The following RPL39L variants were observed in gnomAD, a reference collection of about 807,000 sequenced individuals.
The protein encoded by RPL39L is ribosomal protein L39 like.
For synonymous variants in RPL39L, 16 were observed against 20.1 expected, an observed-to-expected ratio of 0.80 and a Z score of 0.55; for missense variants, 48 against 58.9, an observed-to-expected ratio of 0.81 and a Z score of 0.61.
chr3:187,122,388 A>ATT (rs3835037), intron 2 of RPL39L, among the ~76,000 whole-genome samples: 30,732 of 151,412 alleles, frequency 0.2, 3,457 homozygotes, highest in Non-Finnish European at 0.21. Flanking sequence ...TGACAAAGGC[A>ATT]TTTTTTTTTA....
At chr3:187,138,031 G>A (rs1720615569) in intron 1 of RPL39L, among the ~76,000 whole-genome samples, 1 of 152,172 alleles carries the variant, frequency 6.6e-6, no homozygotes, top group Admixed American at 6.5e-5. Context: ...CGTGGAGGGT[G>A]ACTATTGGAT....
At chr3:187,134,344 T>C (rs1720535863) in intron 1 of RPL39L, among the ~76,000 whole-genome samples, 1 of 152,046 alleles carries the variant, frequency 6.6e-6, no homozygotes. Context: ...TTGTCACCAC[T>C]GGAGGAGTGC....
At chr3:187,133,812 C>T (rs960116962) in intron 1 of RPL39L, among the ~76,000 whole-genome samples, 4 of 152,088 alleles carry the variant, frequency 2.6e-5, no homozygotes, top group Non-Finnish European at 4.4e-5. Flanking sequence ...TAGAGGAAAT[C>T]GAACCTGGTA....
chr3:187,124,078 T>G (rs945069995), intron 2 of RPL39L, among the ~76,000 whole-genome samples: 9 of 152,214 alleles, frequency 5.9e-5, no homozygotes, highest in African/African-American at 2.2e-4. Flanking sequence ...GTAATGGTTA[T>G]GAGGGCAGTT....
In RPL39L at chr3:187,139,314, T is replaced by G. The variant is rs1413004998; in HGVS notation, c.-194A>C. On this transcript the variant is annotated 5_prime_UTR_variant, in exon 1 of 3. Coordinates refer to ENST00000296277, the MANE Select transcript of RPL39L (RefSeq NM_052969.3). ...AAGGCGGGCCCAGCTCCCTCAGGTCTGCGTGTCACCGACCCGAACCCGCTC... is the reference window on the plus strand; with the variant it reads ...AAGGCGGGCCCAGCTCCCTCAGGTCGGCGTGTCACCGACCCGAACCCGCTC... 6 of 152,402 alleles carry G rather than the reference T, an allele frequency of 3.9e-5. 1 individual carries two copies. The highest frequency in any genetic ancestry group is 8.8e-5 in the Non-Finnish European group (6 of 68,214). The allele number at this position is 152,402 out of a possible 1,614,324, so 9.4% of individuals were successfully genotyped here.
At chr3:187,123,030 AC>A (rs1720339648) in intron 2 of RPL39L, among the ~76,000 whole-genome samples, 1 of 152,246 alleles carries the variant, frequency 6.6e-6, no homozygotes, top group Admixed American at 6.5e-5. Context: ...TTGATGGGCA[AC>A]CCATAAATAT....
At chr3:187,135,572 C>T (rs1325332436) in intron 1 of RPL39L, among the ~76,000 whole-genome samples, 1 of 152,166 alleles carries the variant, frequency 6.6e-6, no homozygotes, top group South Asian at 2.1e-4. Flanking sequence ...GCGCAATAAA[C>T]CTCCTTCTTT....
rs146108301 is a variant in RPL39L, at chr3:187,129,601, C to A, written c.-92-1539G>T. Among the ~76,000 whole-genome samples, 3 of 152,234 alleles carry A rather than the reference C, an allele frequency of 2.0e-5. No individual in the cohort carries two copies. In the East Asian group the frequency reaches 5.8e-4, roughly 29 times the overall value. On this transcript the variant is annotated intron_variant, in intron 1 of 2. Transcript: ENST00000296277. ...CTAAATTATCCAAGACTTAGCTGAG[C>A]TTGTTATATTAAATGGTGTTTACCT...
In RPL39L at chr3:187,130,607, GAGC is replaced by G. The variant is rs778361884; in HGVS notation, c.-92-2548_-92-2546del. ...GCTCCCTGAGGCCTCCTCAGAAGCA[GAGC>G]AGATGCTAGTGCTATGCTTCCTGTA... On this transcript the variant is annotated intron_variant, in intron 1 of 2. Coordinates refer to ENST00000296277, the MANE Select transcript of RPL39L (RefSeq NM_052969.3). 2.0e-5 allele frequency among the ~76,000 whole-genome samples: 3 copies of G among 152,216 alleles called. No individual in the cohort carries two copies. In the East Asian group the frequency reaches 5.8e-4, roughly 29 times the overall value.
intron 2 of RPL39L, 122 bp from the exon 3 acceptor site, chr3:187,121,450 A>G (rs918370967): frequency 1.0e-5 from 10 of 968,312 alleles, no homozygotes; most frequent in Non-Finnish European, 1.5e-5. Flanking sequence ...GCTCATTGCC[A>G]CTCAGGATCC....
intron 2 of RPL39L, among the ~76,000 whole-genome samples, chr3:187,127,790 T>C (rs1363791733): frequency 6.6e-6 from 1 of 152,206 alleles, no homozygotes; most frequent in South Asian, 2.1e-4. Flanking sequence ...GCTTTGAAAA[T>C]TAAGATGAGA....
chr3:187,123,254 T>C (rs897186150), intron 2 of RPL39L, among the ~76,000 whole-genome samples: 1 of 152,138 alleles, frequency 6.6e-6, no homozygotes, highest in African/African-American at 2.4e-5. Flanking sequence ...GGGTATAGTG[T>C]GGGGTGTGGT....
chr3:187,132,017 A>C (rs1277393783), intron 1 of RPL39L, among the ~76,000 whole-genome samples: 1 of 152,212 alleles, frequency 6.6e-6, no homozygotes, highest in Non-Finnish European at 1.5e-5. Flanking sequence ...GTAATTGAGC[A>C]CATGATAACG....
chr3:187,137,817 G>C (rs11709230), intron 1 of RPL39L, among the ~76,000 whole-genome samples: 46,191 of 144,086 alleles, frequency 0.32, 9,047 homozygotes, highest in African/African-American at 0.57. Flanking sequence ...AGGATACTCC[G>C]TCTCAAAAAA....
chr3:187,121,004 G>A lies in RPL39L; in HGVS notation c.*141C>T. On this transcript the variant is annotated 3_prime_UTR_variant, in exon 3 of 3. Transcript: ENST00000296277. ...ACTGAATCCACCCTACTAGCACAGA[G>A]CATACAGAAAAACAGAAAAAAATAT... 3.4e-6 allele frequency: 3 copies of A among 879,502 alleles called. No homozygotes were observed. Among genetic ancestry groups the A allele is most frequent in the Non-Finnish European group, 5.4e-6 (3 of 552,958 alleles). 54.5% of individuals were successfully genotyped at this position (879,502 alleles called of 1,614,324 possible).
At chr3:187,137,504 C>T (rs923307978) in intron 1 of RPL39L, among the ~76,000 whole-genome samples, 3 of 150,416 alleles carry the variant, frequency 2.0e-5, no homozygotes, top group Non-Finnish European at 3.0e-5. Context: ...AGTAAGACTC[C>T]GTCTTCAAAA....
intron 1 of RPL39L, among the ~76,000 whole-genome samples, chr3:187,134,483 TAAAAAAAAAAAAA>T (rs72169562): frequency 2.1e-5 from 2 of 93,426 alleles, no homozygotes; most frequent in African/African-American, 8.5e-5. Flanking sequence ...GCCTGACTGA[TAAAAAAAAAAAAA>T]AAAAAAGAAG....
chr3:187,126,676 G>A (rs1231898637), intron 2 of RPL39L, among the ~76,000 whole-genome samples: 2 of 152,106 alleles, frequency 1.3e-5, no homozygotes, highest in African/African-American at 4.8e-5. Flanking sequence ...GAATTATCAG[G>A]CCAAAAGTTA....
chr3:187,124,058 T>C (rs1203883675), intron 2 of RPL39L, among the ~76,000 whole-genome samples: 3 of 152,230 alleles, frequency 2.0e-5, no homozygotes, highest in Admixed American at 6.5e-5. Flanking sequence ...GTCCTCATTC[T>C]AGTACAATAG....
Sources: gnomAD v4.1 joint callset for allele counts (sites outside exome capture counted in the v4.1 genomes callset) on GRCh38, gnomAD v4.1.1 for gene constraint, MANE v1.5 for transcripts, NCBI Gene and HGNC (gene_info 2026-07-23, HGNC 2026-07-21) for gene names.